GABARAPL2: variants seen among roughly 807,000 people sequenced by gnomAD.
GABARAPL2 encodes gamma-aminobutyric acid receptor-associated protein-like 2.
Under a neutral mutation model 16.9 loss-of-function variants are expected in GABARAPL2, and 11 were observed. The observed-to-expected ratio is 0.65, with a 90% CI of 0.41 to 1.08. The LOEUF (loss-of-function observed/expected upper bound fraction) is 1.08. Ranked by LOEUF, GABARAPL2 falls within the 50% of genes least tolerant of loss-of-function variation. The pLI, the probability that GABARAPL2 is intolerant of heterozygous loss-of-function variation, is 0.00. For missense variants in GABARAPL2, 134 were observed against 142.5 expected (o/e 0.94, Z 0.30); for synonymous variants, 57 against 50.7 (o/e 1.12, Z -0.53).
intron 3 of GABARAPL2, among the ~76,000 whole-genome samples, chr16:75,575,285 A>C (rs992667898): frequency 1.3e-5 from 2 of 150,172 alleles, no homozygotes; most frequent in Non-Finnish European, 2.9e-5. Context: ...AAAAAATAAA[A>C]ACAGTTGAAA....
rs1220779134 is a variant in GABARAPL2 at position 75,568,137 on chromosome 16, T to A, written c.191T>A (p.Ile64Asn). Reference sequence around the variant, plus strand: ...ACTGTGGCTCAGTTCATGTGGATCATCAGGAAAAGGATCCAGCTTCCTTCT... The same window carrying A: ...ACTGTGGCTCAGTTCATGTGGATCAACAGGAAAAGGATCCAGCTTCCTTCT... ...DITVAQFMWI[I>N]RKRIQLPSEK... The change falls in exon 3 of 4, where the codon ATC becomes AAC. Residue 64 changes from isoleucine (I) to asparagine (N), a missense_variant. Transcript: ENST00000037243. 6.2e-7 allele frequency: 1 copy of A among 1,613,156 alleles called. No homozygotes were observed. The highest frequency in any genetic ancestry group is 1.3e-5 in the African/African-American group (1 of 74,924).
chr16:75,577,087 G>T, intron 3 of GABARAPL2, 192 bp from the exon 4 acceptor site: 1 of 511,848 alleles, frequency 2.0e-6, no homozygotes. Context: ...GATGTCAAAT[G>T]GCTTTGCCTT....
intron 1 of GABARAPL2, 116 bp from the exon 2 acceptor site, chr16:75,566,736 G>A (rs1181695357): frequency 4.6e-6 from 5 of 1,096,094 alleles, no homozygotes; most frequent in East Asian, 2.5e-5. Flanking sequence ...CCGCGGCCCC[G>A]GGGACGCCGG....
rs546777842 is a variant in GABARAPL2, at chr16:75,568,319, T to C, written c.263+110T>C. 68 of 694,276 alleles carry C rather than the reference T, an allele frequency of 9.8e-5. 1 individual carries two copies. In the Admixed American group the frequency reaches 1.7e-3, roughly 17 times the overall value. The allele number at this position is 694,276 out of a possible 1,614,324, so 43.0% of individuals were successfully genotyped here. The stretch of plus-strand genomic sequence containing the variant: ...AACTCTTAGGGGTCCTGACTAGAAA[T>C]CTGGATTTTATGCTCCCTGACATCA... On this transcript the variant is annotated intron_variant, in intron 3 of 3. Coordinates refer to ENST00000037243, the MANE Select transcript of GABARAPL2 (RefSeq NM_007285.7).
intron 3 of GABARAPL2, among the ~76,000 whole-genome samples, chr16:75,569,489 G>T (rs1362993525): frequency 6.6e-6 from 1 of 152,208 alleles, no homozygotes; most frequent in Non-Finnish European, 1.5e-5. Context: ...TTGGGCATCC[G>T]TGGTTACCCT....
Position 75,566,441 on chromosome 16 carries a change from G to C in GABARAPL2, c.-46G>C, listed in dbSNP as rs752086326. On this transcript the variant is annotated 5_prime_UTR_variant, in exon 1 of 4. Transcript: ENST00000037243. ...GTTGTTGTTGTGCTCGGTGCGCTGA[G>C]CTCCGCGGCTCCGCGAGCCGGTTCC... The C allele has an allele frequency of 4.2e-6, 6 of 1,437,060 alleles. No individual in the cohort carries two copies. Among genetic ancestry groups the C allele is most frequent in the Admixed American group, 3.5e-5 (2 of 57,784 alleles). 89.0% of individuals were successfully genotyped at this position (1,437,060 alleles called of 1,614,324 possible). A position where few individuals can be genotyped will look rare whatever the true frequency, so the allele number is the denominator to read the frequency against.
rs1233298117 is a variant in GABARAPL2 at position 75,566,839 on chromosome 16, G to A, written c.35-13G>A. 2 of 1,612,380 alleles carry A rather than the reference G, an allele frequency of 1.2e-6. No homozygotes were observed. Among genetic ancestry groups the A allele is most frequent in the Admixed American group, 3.3e-5 (2 of 60,008 alleles). ...GCAGGCGCGGCCGTCAGCCCCGTTTGTTTCTCCCACAGAACACAGATGCGT... is the reference window on the plus strand; with the variant it reads ...GCAGGCGCGGCCGTCAGCCCCGTTTATTTCTCCCACAGAACACAGATGCGT... On this transcript the variant is annotated splice_polypyrimidine_tract_variant and intron_variant, in intron 1 of 3. Transcript: ENST00000037243.
Position 75,577,435 on chromosome 16 carries a change from G to T in GABARAPL2, c.*66G>T. The T allele has an allele frequency of 1.1e-5, 10 of 915,622 alleles. No individual in the cohort carries two copies. The South Asian group carries it at 1.3e-4, about 12-fold the overall frequency. 56.7% of individuals were successfully genotyped at this position (915,622 alleles called of 1,614,324 possible). On this transcript the variant is annotated 3_prime_UTR_variant, in exon 4 of 4. Transcript: ENST00000037243. ...TCTTGTAAATAGCCAGCCATTTTCA[G>T]TTATTATACCAGAACCTCTTCACAT... is the stretch of plus-strand genomic sequence containing the variant.
At chr16:75,574,514 G>C (rs1385250479) in intron 3 of GABARAPL2, among the ~76,000 whole-genome samples, 1 of 152,086 alleles carries the variant, frequency 6.6e-6, no homozygotes, top group African/African-American at 2.4e-5. Flanking sequence ...TTTCCCATTA[G>C]CCTCATTCTG....
intron 3 of GABARAPL2, among the ~76,000 whole-genome samples, chr16:75,569,033 AG>A (rs1444982910): frequency 6.6e-6 from 1 of 152,152 alleles, no homozygotes; most frequent in Admixed American, 6.5e-5. Flanking sequence ...GACCCAATCT[AG>A]GTTTCATTTA....
intron 3 of GABARAPL2, 147 bp from the exon 4 acceptor site, chr16:75,577,132 T>C: frequency 1.7e-6 from 1 of 592,408 alleles, no homozygotes; most frequent in Non-Finnish European, 3.0e-6. Context: ...TTTTTATGGC[T>C]CCTTTCTCTT....
At chr16:75,566,741 C>A in intron 1 of GABARAPL2, 111 bp from the exon 2 acceptor site, 1 of 1,136,412 alleles carries the variant, frequency 8.8e-7, no homozygotes, top group Non-Finnish European at 1.3e-6. Flanking sequence ...GCCCCGGGGA[C>A]GCCGGAACCA....
chr16:75,572,970 G>C (rs969876144), intron 3 of GABARAPL2, among the ~76,000 whole-genome samples: 1 of 152,218 alleles, frequency 6.6e-6, no homozygotes, highest in Non-Finnish European at 1.5e-5. Flanking sequence ...TGGAGCTGCA[G>C]TGCTACTTGC....
Position 75,566,946 on chromosome 16 carries a change from C to T in GABARAPL2, c.90+39C>T, listed in dbSNP as rs777916004. ...CCGCCCCCTCACCTCGCTGTCACCT[C>T]TGTCGTCTGGGACCCGTGATAGGCC... On this transcript the variant is annotated intron_variant, in intron 2 of 3. Transcript: ENST00000037243. 5.8e-6 allele frequency: 9 copies of T among 1,548,224 alleles called. No homozygotes were observed. In the Admixed American group the frequency reaches 1.2e-4, roughly 20 times the overall value.
chr16:75,566,994 A>G, intron 2 of GABARAPL2, 87 bp downstream of exon 2: 1 of 1,166,602 alleles, frequency 8.6e-7, no homozygotes, highest in African/African-American at 1.5e-5. Context: ...ACAGTTGACA[A>G]GTTGAGGTTC....
At chr16:75,571,639 AT>A (rs748310884) in intron 3 of GABARAPL2, among the ~76,000 whole-genome samples, 3 of 148,570 alleles carry the variant, frequency 2.0e-5, no homozygotes, top group Admixed American at 6.7e-5. Flanking sequence ...CACTTTGATC[AT>A]TTCTGGGTAA....
intron 3 of GABARAPL2, among the ~76,000 whole-genome samples, chr16:75,573,023 T>C (rs1288488923): frequency 6.6e-6 from 1 of 152,204 alleles, no homozygotes; most frequent in Non-Finnish European, 1.5e-5. Context: ...CTTAGCTGGA[T>C]AGATGCATTA....
intron 3 of GABARAPL2, among the ~76,000 whole-genome samples, chr16:75,571,789 G>T (rs1241519597): frequency 6.6e-6 from 1 of 150,790 alleles, no homozygotes; most frequent in Non-Finnish European, 1.5e-5. Context: ...CGATTCTCCT[G>T]CCTCTGCCCC....
At chr16:75,568,338 G>T (rs956995613) in intron 3 of GABARAPL2, 129 bp downstream of exon 3, 2 of 596,266 alleles carry the variant, frequency 3.4e-6, no homozygotes, top group Admixed American at 2.6e-5. Flanking sequence ...TATGCTCCCT[G>T]ACATCAGGGG....
Sources: allele counts gnomAD v4.1 joint callset (sites outside exome capture counted in the v4.1 genomes callset), GRCh38; gene constraint gnomAD v4.1.1; transcripts MANE v1.5; gene names NCBI Gene and HGNC (gene_info 2026-07-23, HGNC 2026-07-21).